LTBP1: variants seen among roughly 807,000 people sequenced by gnomAD.
LTBP1 encodes latent-transforming growth factor beta-binding protein 1.
LTBP1 carries 129 observed loss-of-function variants against 207.6 expected under a neutral mutation model. That is an observed-to-expected ratio of 0.62 (90% CI 0.54 to 0.72). The LOEUF is 0.72. Among genes scored for constraint, LTBP1 ranks in the 30% least tolerant of loss-of-function variants. LTBP1 has a pLI of 0.00. For missense variants in LTBP1, 2,281 were observed against 2,217.2 expected (o/e 1.03, Z -0.58); for synonymous variants, 963 against 833.7 (o/e 1.16, Z -2.67).
rs1368688863 is a variant in LTBP1, at chr2:33,363,483, G to A, written c.4364G>A (p.Gly1455Glu). ...RPGYECYCKQ[G>E]TYYDPVKLQC... ...GGGTATGAATGCTACTGTAAGCAAG[G>A]GACGTACTATGATCCTGTGAAACTG... The change falls in exon 29 of 34, where the codon GGG (glycine) becomes GAG (glutamate). Residue 1455 changes from glycine (G) to glutamate (E), a missense_variant. Gly to Glu is a moderately conservative substitution (Grantham distance 98). Coordinates refer to ENST00000404816, the MANE Select transcript of LTBP1 (RefSeq NM_206943.4). 2 of 1,613,766 alleles carry A rather than the reference G, an allele frequency of 1.2e-6. No homozygotes were observed. The highest frequency in any genetic ancestry group is 1.7e-6 in the Non-Finnish European group (2 of 1,179,852).
intron 3 of LTBP1, among the ~76,000 whole-genome samples, chr2:33,090,721 G>C (rs2079035104): frequency 6.6e-6 from 1 of 152,028 alleles, no homozygotes. Flanking sequence ...GAGGCGGTGG[G>C]GTGCTTTTAG....
At chr2:33,128,694 A>G (rs1247790109) in intron 4 of LTBP1, among the ~76,000 whole-genome samples, 2 of 152,216 alleles carry the variant, frequency 1.3e-5, no homozygotes, top group Non-Finnish European at 2.9e-5. Flanking sequence ...AAACTCATTG[A>G]ACCCTCAACA....
intron 31 of LTBP1, among the ~76,000 whole-genome samples, chr2:33,372,397 AG>A (rs1278609018): frequency 1.3e-5 from 2 of 152,228 alleles, no homozygotes; most frequent in Non-Finnish European, 2.9e-5. Flanking sequence ...GCATAATAAG[AG>A]GCAATGTGTC....
intron 2 of LTBP1, among the ~76,000 whole-genome samples, chr2:32,984,647 C>T (rs999685675): frequency 4.6e-5 from 7 of 152,082 alleles, no homozygotes; most frequent in African/African-American, 7.2e-5. Flanking sequence ...CTGGGCCAGG[C>T]GCGGTGGCTC....
At chr2:33,143,244 C>T (rs926950525) in intron 5 of LTBP1, among the ~76,000 whole-genome samples, 2 of 152,206 alleles carry the variant, frequency 1.3e-5, no homozygotes, top group East Asian at 3.8e-4. Context: ...CCTCATTTCC[C>T]TTATTTGTTG....
At chr2:33,112,076 AT>A (rs536966841) in intron 4 of LTBP1, among the ~76,000 whole-genome samples, 140 of 152,264 alleles carry the variant, frequency 9.2e-4, no homozygotes, top group African/African-American at 3.4e-3. Context: ...ACAGATGACA[AT>A]TTTTTTAAAA....
chr2:33,030,558 T>A (rs1430624700), intron 3 of LTBP1, among the ~76,000 whole-genome samples: 2 of 152,160 alleles, frequency 1.3e-5, no homozygotes, highest in Admixed American at 6.5e-5. Context: ...CCTGTGAGTC[T>A]AAACAGTTGG....
At chr2:33,198,926 C>G (rs893785171) in intron 7 of LTBP1, among the ~76,000 whole-genome samples, 11 of 152,088 alleles carry the variant, frequency 7.2e-5, no homozygotes, top group African/African-American at 2.7e-4. Flanking sequence ...TTAGTTATTT[C>G]TTGCCTTCTG....
At chr2:33,157,029 A>G (rs2084031541) in intron 5 of LTBP1, among the ~76,000 whole-genome samples, 1 of 152,226 alleles carries the variant, frequency 6.6e-6, no homozygotes, top group Non-Finnish European at 1.5e-5. Flanking sequence ...TGGCCATTAC[A>G]TTGGTGACTG....
intron 31 of LTBP1, among the ~76,000 whole-genome samples, chr2:33,382,815 A>C (rs1032664680): frequency 1.3e-5 from 2 of 152,244 alleles, no homozygotes; most frequent in Non-Finnish European, 2.9e-5. Context: ...CCAGTTTTGC[A>C]TCACAACACC....
rs902041594 is a variant in LTBP1, at chr2:33,217,453, G to A, written c.1702-99G>A. On this transcript the variant is annotated intron_variant, in intron 7 of 33. Transcript: ENST00000404816. ...TCCTTTCTAATTGTGTCGATAACAA[G>A]GGAACTGGTTTATAGCGTGGCTGTG... The A allele has an allele frequency of 2.2e-5, 15 of 666,874 alleles. No homozygotes were observed. The Admixed American group carries it at 3.2e-4, about 14-fold the overall frequency. The allele number at this position is 666,874 out of a possible 1,614,324, so 41.3% of individuals were successfully genotyped here. A position where few individuals can be genotyped will look rare whatever the true frequency, so the allele number is the denominator to read the frequency against.
At chr2:33,332,349 T>A (rs1430324749) in intron 24 of LTBP1, among the ~76,000 whole-genome samples, 1 of 124,454 alleles carries the variant, frequency 8.0e-6, no homozygotes, top group Non-Finnish European at 1.6e-5. Context: ...GCCAGCCTGG[T>A]TGATGTAGTG....
chr2:33,293,072 A>G (rs569039376), intron 19 of LTBP1, 88 bp from the exon 20 acceptor site: 70 of 1,361,374 alleles, frequency 5.1e-5, no homozygotes, highest in African/African-American at 1.3e-4. Flanking sequence ...CTGAAGGTCT[A>G]CTGTTTCCAT....
intron 15 of LTBP1, among the ~76,000 whole-genome samples, chr2:33,272,748 C>G (rs1325992585): frequency 6.6e-6 from 1 of 152,222 alleles, no homozygotes; most frequent in Non-Finnish European, 1.5e-5. Flanking sequence ...GCCAGTGCTT[C>G]TAACCACCAG....
chr2:33,010,092 G>A (rs1687466940), intron 2 of LTBP1, among the ~76,000 whole-genome samples: 2 of 152,170 alleles, frequency 1.3e-5, no homozygotes, highest in East Asian at 1.9e-4. Context: ...AGGGCGTGGT[G>A]GCTCAGCAGC....
chr2:33,209,865 A>C (rs2090168899), intron 7 of LTBP1, among the ~76,000 whole-genome samples: 1 of 152,168 alleles, frequency 6.6e-6, no homozygotes, highest in Non-Finnish European at 1.5e-5. Context: ...TCCGTCTCAC[A>C]TGTGTTGTCT....
At chr2:33,267,085 T>C (rs191565978) in intron 15 of LTBP1, among the ~76,000 whole-genome samples, 1 of 152,376 alleles carries the variant, frequency 6.6e-6, no homozygotes, top group African/African-American at 2.4e-5. Context: ...TGCTGGTGCC[T>C]GCAGCAGAAG....
At chr2:33,363,903 A>G (rs2094954175) in intron 29 of LTBP1, among the ~76,000 whole-genome samples, 1 of 152,248 alleles carries the variant, frequency 6.6e-6, no homozygotes, top group Admixed American at 6.5e-5. Flanking sequence ...GCAGAAAAAC[A>G]TAGCAAAAGG....
intron 25 of LTBP1, among the ~76,000 whole-genome samples, chr2:33,345,408 GA>G (rs1323975642): frequency 1.3e-5 from 2 of 152,232 alleles, no homozygotes; most frequent in Non-Finnish European, 2.9e-5. Flanking sequence ...AGTAAGCTAG[GA>G]AATATTTCTT....
Sources: allele counts gnomAD v4.1 joint callset (sites outside exome capture counted in the v4.1 genomes callset), GRCh38; gene constraint gnomAD v4.1.1; transcripts MANE v1.5; gene names NCBI Gene and HGNC (gene_info 2026-07-23, HGNC 2026-07-21).